The following ESYT2 variants were observed in gnomAD, a reference collection of about 807,000 sequenced individuals.
ESYT2 encodes extended synaptotagmin 2, also known as extended synaptotagmin-2.
Under a neutral mutation model 107.2 loss-of-function variants are expected in ESYT2, and 54 were observed. That is an observed-to-expected ratio of 0.50 (90% confidence interval 0.40 to 0.63). The LOEUF (loss-of-function observed/expected upper bound fraction) is 0.63, where lower values mean the gene tolerates loss of function less well. Among genes scored for constraint, ESYT2 ranks in the 30% least tolerant of loss-of-function variants. The probability of loss-of-function intolerance (pLI) is 0.00; values close to 1 mark genes in which losing one functional copy is unlikely to be tolerated. For missense variants in ESYT2, 1,020 were observed against 1,094.5 expected, an observed-to-expected ratio of 0.93 and a Z score of 0.96; for synonymous variants, 491 against 434.1, an observed-to-expected ratio of 1.13 and a Z score of -1.63.
intron 1 of ESYT2, among the ~76,000 whole-genome samples, chr7:158,814,131 G>C (rs1015248658): frequency 1.3e-5 from 2 of 151,646 alleles, no homozygotes; most frequent in Non-Finnish European, 2.9e-5. Context: ...AAAATTAGTC[G>C]GGCGTGGTGG....
At chr7:158,809,408 G>A (rs1234031575) in intron 1 of ESYT2, among the ~76,000 whole-genome samples, 2 of 126,542 alleles carry the variant, frequency 1.6e-5, no homozygotes, top group Non-Finnish European at 3.1e-5. Context: ...CCTGGGAGGC[G>A]AAGGTTGCAG....
chr7:158,802,482 TG>T (rs1839674816), intron 1 of ESYT2, among the ~76,000 whole-genome samples: 1 of 152,192 alleles, frequency 6.6e-6, no homozygotes, highest in African/African-American at 2.4e-5. Flanking sequence ...GGTTTTGCCA[TG>T]TTGGCCACGC....
intron 6 of ESYT2, among the ~76,000 whole-genome samples, chr7:158,773,981 C>T (rs1354202040): frequency 1.3e-5 from 2 of 152,252 alleles, no homozygotes; most frequent in Non-Finnish European, 2.9e-5. Flanking sequence ...AATTAGCAGA[C>T]CATGCTCTAC....
intron 6 of ESYT2, among the ~76,000 whole-genome samples, chr7:158,775,743 C>T (rs947356620): frequency 6.6e-6 from 1 of 152,116 alleles, no homozygotes; most frequent in Non-Finnish European, 1.5e-5. Flanking sequence ...TTGGAATCAA[C>T]TTTTTCCAAA....
chr7:158,802,712 C>T (rs2602557), intron 1 of ESYT2, among the ~76,000 whole-genome samples: 143,629 of 152,334 alleles, frequency 0.94, 67,758 homozygotes, highest in Middle Eastern at 0.96. Flanking sequence ...ACTCATTCCT[C>T]TTTAAAAATT....
chr7:158,738,454 G>A (rs1032606677), intron 19 of ESYT2, among the ~76,000 whole-genome samples: 1 of 151,642 alleles, frequency 6.6e-6, no homozygotes, highest in East Asian at 1.9e-4. Context: ...ACATATTTGT[G>A]TATTTTTTTT....
Position 158,741,911 on chromosome 7 carries a change from A to G in ESYT2, c.1795-15T>C. Reference sequence around the variant, plus strand: ...AGATGGAGCACCTAGAGGTGGACATAAACATAAAAATTAAACTTGGTGACA... The same window carrying G: ...AGATGGAGCACCTAGAGGTGGACATGAACATAAAAATTAAACTTGGTGACA... On this transcript the variant is annotated splice_polypyrimidine_tract_variant and intron_variant, in intron 17 of 22. Coordinates refer to ENST00000275418, the MANE Select transcript of ESYT2 (RefSeq NM_001367773.1). The G allele has an allele frequency of 1.3e-6, 2 of 1,557,050 alleles. No homozygotes were observed. Among genetic ancestry groups the G allele is most frequent in the Non-Finnish European group, 8.7e-7 (1 of 1,153,856 alleles).
chr7:158,752,798 C>T lies in ESYT2; in HGVS notation c.1465G>A (p.Val489Ile), dbSNP rs767332242. The T allele has an allele frequency of 2.3e-6, 3 of 1,303,984 alleles. No individual in the cohort carries two copies. The highest frequency in any genetic ancestry group is 3.0e-6 in the Non-Finnish European group (3 of 988,958). 80.8% of individuals were successfully genotyped at this position (1,303,984 alleles called of 1,614,324 possible). A position where few individuals can be genotyped will look rare whatever the true frequency, so the allele number is the denominator to read the frequency against. ...FNPDVLKKTAVQRALKSGKKI... is the reference protein window; with the variant it reads ...FNPDVLKKTAIQRALKSGKKI... ...CAGTTTACCTTTAAAGCTCTCTGAA[C>T]TGCAGTCTTCTTCAAGACATCGGGG... Residue 489 changes from valine to isoleucine, a missense_variant, in exon 14 of 23, where the codon GTT becomes ATT. Coordinates refer to ENST00000275418, the MANE Select transcript of ESYT2 (RefSeq NM_001367773.1).
At chr7:158,776,560 C>T (rs1838571857) in intron 6 of ESYT2, among the ~76,000 whole-genome samples, 1 of 152,220 alleles carries the variant, frequency 6.6e-6, no homozygotes. Flanking sequence ...AACTTCCTCA[C>T]CTCTGTCAGT....
At chr7:158,829,047 A>T in intron 1 of ESYT2, 42 bp downstream of exon 1, 1 of 1,558,064 alleles carries the variant, frequency 6.4e-7, no homozygotes, top group African/African-American at 1.4e-5. Context: ...GGAGATCGGG[A>T]CTGGTGGTCA....
Position 158,741,663 on chromosome 7 carries a change from G to T in ESYT2, c.2028C>A (p.His676Gln). 2 of 1,613,882 alleles carry T rather than the reference G, an allele frequency of 1.2e-6. No individual in the cohort carries two copies. Among genetic ancestry groups the T allele is most frequent in the Non-Finnish European group, 1.7e-6 (2 of 1,179,998 alleles). The stretch of plus-strand genomic sequence containing the variant: ...GGCTGGAGGAGCTTCTGCCCAGGTC[G>T]TGCAGCCCCTGAGGGCCGGCCTCAG... ...QPPEAGPQGL[H>Q]DLGRSSSSLL... The change falls in exon 18 of 23, where the codon CAC becomes CAA. Residue 676 changes from histidine (H) to glutamine (Q), a missense_variant. Physicochemically the swap from His to Gln is conservative, Grantham distance 24 (BLOSUM62 0). Transcript: ENST00000275418.
rs759669293 is a variant in ESYT2, at chr7:158,787,988, A to G, written c.747+16T>C. 59 of 1,600,778 alleles carry G rather than the reference A, an allele frequency of 3.7e-5. No individual in the cohort carries two copies. The highest frequency in any genetic ancestry group is 4.9e-5 in the Non-Finnish European group (57 of 1,168,586). On this transcript the variant is annotated intron_variant, in intron 6 of 22. Coordinates refer to ENST00000275418, the MANE Select transcript of ESYT2 (RefSeq NM_001367773.1). The stretch of plus-strand genomic sequence containing the variant: ...CACCAAATGGGAAAATAAAAATGAA[A>G]TAAATATTGACTTACTGGTTTCCTA...
rs111291623 is a variant in ESYT2, at chr7:158,805,637, G to A, written c.331-6565C>T. Among the ~76,000 whole-genome samples, 441 of 152,256 alleles carry A rather than the reference G, an allele frequency of 2.9e-3. 5 individuals carry two copies. Among genetic ancestry groups the A allele is most frequent in the African/African-American group, 0.01 (419 of 41,548 alleles). ...ATTTTCTCTGTGGTTTATGGGCTTC[G>A]ATTACTGCAACAGAGTAACTGGATA... On this transcript the variant is annotated intron_variant, in intron 1 of 22. Transcript: ENST00000275418.
At chr7:158,810,756 G>A (rs1423919045) in intron 1 of ESYT2, among the ~76,000 whole-genome samples, 2 of 152,126 alleles carry the variant, frequency 1.3e-5, no homozygotes, top group African/African-American at 4.8e-5. Context: ...TCCAGAAGGT[G>A]TCTTCCTCTA....
rs368827350 is a variant in ESYT2, at chr7:158,735,276, T to C, written c.2505+227A>G. On this transcript the variant is annotated intron_variant, in intron 21 of 22. Transcript: ENST00000275418. Reference sequence around the variant, plus strand: ...GAGGAGATGGAATTGTAAGAGATTATTTTCCTTCAATGTGATACTTGAACA... The same window carrying C: ...GAGGAGATGGAATTGTAAGAGATTACTTTCCTTCAATGTGATACTTGAACA... 7.2e-5 allele frequency among the ~76,000 whole-genome samples: 11 copies of C among 152,360 alleles called. No homozygotes were observed. In the South Asian group the frequency reaches 1.7e-3, roughly 23 times the overall value.
intron 16 of ESYT2, among the ~76,000 whole-genome samples, chr7:158,746,773 C>A (rs1318914370): frequency 6.6e-6 from 1 of 152,196 alleles, no homozygotes; most frequent in Non-Finnish European, 1.5e-5. Flanking sequence ...TGGCTCACAA[C>A]TGCAATCCCA....
intron 1 of ESYT2, among the ~76,000 whole-genome samples, chr7:158,816,729 C>CT (rs1291693087): frequency 6.6e-6 from 1 of 152,190 alleles, no homozygotes; most frequent in Non-Finnish European, 1.5e-5. Context: ...CGGAGCATTT[C>CT]TTTTAAAACT....
chr7:158,818,474 T>C (rs1840204606), intron 1 of ESYT2, among the ~76,000 whole-genome samples: 1 of 152,022 alleles, frequency 6.6e-6, no homozygotes, highest in South Asian at 2.1e-4. Context: ...CAAACCACGG[T>C]GGAACAGAAA....
At chr7:158,822,663 G>C (rs1465307042) in intron 1 of ESYT2, among the ~76,000 whole-genome samples, 1 of 151,962 alleles carries the variant, frequency 6.6e-6, no homozygotes, top group Non-Finnish European at 1.5e-5. Flanking sequence ...AGTAATATTA[G>C]AGCTGGGTAC....
Sources: allele counts gnomAD v4.1 joint callset (sites outside exome capture counted in the v4.1 genomes callset), GRCh38; gene constraint gnomAD v4.1.1; transcripts MANE v1.5; gene names NCBI Gene and HGNC (gene_info 2026-07-23, HGNC 2026-07-21).